RORA: variants seen among roughly 807,000 people sequenced by gnomAD.
The protein encoded by RORA is nuclear receptor ROR-alpha.
In RORA, 7 loss-of-function variants were observed where a neutral mutation model predicts 69.5. That is an observed-to-expected ratio of 0.10 (90% confidence interval 0.06 to 0.19). RORA has a LOEUF of 0.19. Ranked by LOEUF, RORA falls within the 10% of genes least tolerant of loss-of-function variation. RORA has a pLI of 1.00. For missense variants in RORA, 457 were observed against 663.0 expected (o/e 0.69, Z 3.41); for synonymous variants, 261 against 240.8 (o/e 1.08, Z -0.78).
Position 61,004,804 on chromosome 15 carries a change from T to G in RORA, c.166+224249A>C, listed in dbSNP as rs115360234. Among the ~76,000 whole-genome samples the G allele has an allele frequency of 2.9e-3, 446 of 152,122 alleles. 7 individuals are homozygous for G. Among genetic ancestry groups the G allele is most frequent in the South Asian group, 0.011 (51 of 4,812 alleles). ...TAAAGTGTAAAGAAATGAAAAAAAA[T>G]GTCGAACCTCACTTATAATCAAAGC... On this transcript the variant is annotated intron_variant, in intron 1 of 10. Transcript: ENST00000335670.
rs1197001301 is a variant in RORA at position 60,516,075 on chromosome 15, ATT to A, written c.283-1320_283-1319del. On this transcript the variant is annotated intron_variant, in intron 3 of 10. Transcript: ENST00000335670. ...TATATATTTATATATATTTATATAT[ATT>A]TATTTATATATATTTATATATATTT... 3.1e-4 allele frequency among the ~76,000 whole-genome samples: 12 copies of A among 38,346 alleles called. No individual in the cohort carries two copies. The South Asian group carries it at 4.6e-3, about 15-fold the overall frequency. The allele number at this position is 38,346 out of a possible 152,430, so 25.2% of individuals were successfully genotyped here. A position where few individuals can be genotyped will look rare whatever the true frequency, so the allele number is the denominator to read the frequency against.
At chr15:60,739,373 C>G (rs746875289) in intron 1 of RORA, among the ~76,000 whole-genome samples, 1 of 152,014 alleles carries the variant, frequency 6.6e-6, no homozygotes. Context: ...AGGCTTGAGA[C>G]CAGCCTAGGC....
At chr15:60,752,210 C>A (rs774086447) in intron 1 of RORA, among the ~76,000 whole-genome samples, 6 of 152,120 alleles carry the variant, frequency 3.9e-5, no homozygotes, top group Non-Finnish European at 7.3e-5. Flanking sequence ...GTAATCACAA[C>A]CAAAATTTTG....
chr15:60,980,828 T>A (rs1894023776), intron 1 of RORA, among the ~76,000 whole-genome samples: 1 of 152,068 alleles, frequency 6.6e-6, no homozygotes, highest in Non-Finnish European at 1.5e-5. Context: ...TAACCAACTT[T>A]TGGTTTTGAT....
At position 60,905,400 on chromosome 15, in the gene RORA, T is replaced by C. The variant is rs1167561370; in HGVS notation, c.167-226714A>G. On this transcript the variant is annotated intron_variant, in intron 1 of 10. Transcript: ENST00000335670. This position sits in a 1 kb window ranked among gnomAD's most constrained non-coding sequence, Gnocchi z 4.8. ...ACAGCTCATTAGATCAACTTTTTTT[T>C]CTGTGTATTTTTTTTTCTTTTTAAA... 1.3e-5 allele frequency among the ~76,000 whole-genome samples: 2 copies of C among 152,238 alleles called. No individual in the cohort carries two copies. The highest frequency in any genetic ancestry group is 6.5e-5 in the Admixed American group (1 of 15,284).
In RORA at chr15:60,489,424, T is replaced by C. The variant is rs2065006479; in HGVS notation, c.*8031A>G. 1 of 152,324 alleles carries C rather than the reference T, an allele frequency of 6.6e-6. No individual in the cohort carries two copies. The highest frequency in any genetic ancestry group is 2.4e-5 in the African/African-American group (1 of 41,572). The allele number at this position is 152,324 out of a possible 1,614,324, so 9.4% of individuals were successfully genotyped here. On this transcript the variant is annotated 3_prime_UTR_variant, in exon 11 of 11. Coordinates refer to ENST00000335670, the MANE Select transcript of RORA (RefSeq NM_134261.3). The stretch of plus-strand genomic sequence containing the variant: ...TACATTTATAAATTGCTCAAAAATC[T>C]TTGCTAAAGATCTTACAAATTCAGT...
chr15:60,512,132 G>T, intron 4 of RORA: 1 of 153,964 alleles, frequency 6.5e-6, no homozygotes, highest in East Asian at 1.9e-4. Flanking sequence ...CACTTCTGCA[G>T]CTTCATTGTG....
chr15:60,671,589 G>A (rs1036856757), intron 2 of RORA, among the ~76,000 whole-genome samples: 1 of 151,528 alleles, frequency 6.6e-6, no homozygotes, highest in Non-Finnish European at 1.5e-5. Context: ...ACCAGCCTGG[G>A]CAACATAGCA....
intron 1 of RORA, among the ~76,000 whole-genome samples, chr15:60,997,678 A>T (rs1327920347): frequency 6.6e-6 from 1 of 152,024 alleles, no homozygotes; most frequent in African/African-American, 2.4e-5. Context: ...GTTATGGCTT[A>T]AAAAAAATTC....
At chr15:60,878,902 G>A (rs1159336760) in intron 1 of RORA, among the ~76,000 whole-genome samples, 2 of 152,142 alleles carry the variant, frequency 1.3e-5, no homozygotes, top group African/African-American at 4.8e-5. Context: ...CTTAATTTAA[G>A]CTCCTTGGAT....
chr15:60,717,910 C>G lies in RORA; in HGVS notation c.167-39224G>C, dbSNP rs973933843. Among the ~76,000 whole-genome samples, 7 of 147,734 alleles carry G rather than the reference C, an allele frequency of 4.7e-5. No individual in the cohort carries two copies. In the East Asian group the frequency reaches 1.5e-3, roughly 31 times the overall value. ...CACCCTCAGGGTTCAAGCGATTGTC[C>G]TGCCTCAGCCTCCTGAGTAGCTGGA... On this transcript the variant is annotated intron_variant, in intron 1 of 10. Coordinates refer to ENST00000335670, the MANE Select transcript of RORA (RefSeq NM_134261.3).
At chr15:60,689,054 T>C (rs997228347) in intron 1 of RORA, among the ~76,000 whole-genome samples, 2 of 152,014 alleles carry the variant, frequency 1.3e-5, no homozygotes, top group African/African-American at 2.4e-5. Context: ...ACCTCTGGAG[T>C]CAGAAAGACC....
intron 1 of RORA, among the ~76,000 whole-genome samples, chr15:60,683,867 T>C (rs1350036909): frequency 6.6e-6 from 1 of 152,224 alleles, no homozygotes; most frequent in Non-Finnish European, 1.5e-5. Context: ...TGGCCATGCT[T>C]CAAAGTAAAG....
intron 2 of RORA, chr15:60,627,395 C>G (rs377593172): frequency 1.2e-6 from 2 of 1,613,944 alleles, no homozygotes; most frequent in African/African-American, 2.7e-5. Flanking sequence ...GGTTACCCAT[C>G]TGCCTCCAGA....
intron 2 of RORA, among the ~76,000 whole-genome samples, chr15:60,664,594 A>T (rs1039322390): frequency 6.6e-6 from 1 of 152,218 alleles, no homozygotes; most frequent in African/African-American, 2.4e-5. Flanking sequence ...TGAGAAAGTA[A>T]GATTTAAATT....
chr15:61,064,692 A>G (rs1255317296), intron 1 of RORA, among the ~76,000 whole-genome samples: 1 of 152,198 alleles, frequency 6.6e-6, no homozygotes, highest in Non-Finnish European at 1.5e-5. Flanking sequence ...GACAATGCAG[A>G]TGGTTGCAGG....
At chr15:61,123,268 C>G (rs961528427) in intron 1 of RORA, among the ~76,000 whole-genome samples, 1 of 152,094 alleles carries the variant, frequency 6.6e-6, no homozygotes, top group Admixed American at 6.5e-5. Context: ...ACACCAGAGG[C>G]TGAGTTAACT....
intron 1 of RORA, among the ~76,000 whole-genome samples, chr15:61,057,678 C>G (rs1211216207): frequency 6.6e-6 from 1 of 152,160 alleles, no homozygotes; most frequent in Non-Finnish European, 1.5e-5. Context: ...TTTCGTTTCT[C>G]CTCAACACAG....
intron 3 of RORA, among the ~76,000 whole-genome samples, chr15:60,525,152 A>G (rs954352442): frequency 1.1e-4 from 16 of 152,250 alleles, no homozygotes; most frequent in African/African-American, 3.6e-4. Context: ...AATGGTTCAG[A>G]TGAGGGAGAT....
Sources: gnomAD v4.1 joint callset for allele counts (sites outside exome capture counted in the v4.1 genomes callset) on GRCh38, gnomAD v4.1.1 for gene constraint, Gnocchi (gnomAD v3.1) non-coding constraint, MANE v1.5 for transcripts, NCBI Gene and HGNC (gene_info 2026-07-23, HGNC 2026-07-21) for gene names.